The following NPHS2 variants were observed in gnomAD, a reference collection of about 807,000 sequenced individuals.
NPHS2 encodes the protein NPHS2 stomatin family member, podocin.
NPHS2 carries 36 observed loss-of-function variants against 37.1 expected under a neutral mutation model. The observed-to-expected ratio is 0.97, with a 90% CI of 0.74 to 1.28. The LOEUF (loss-of-function observed/expected upper bound fraction) is 1.28, where lower values mean the gene tolerates loss of function less well. NPHS2 is among the 50% of genes most tolerant of loss of function. The pLI is 0.00. For synonymous variants in NPHS2, 196 were observed against 189.3 expected, an observed-to-expected ratio of 1.04 and a Z score of -0.29; for missense variants, 447 against 488.1, an observed-to-expected ratio of 0.92 and a Z score of 0.79.
Position 179,550,729 on chromosome 1 carries a change from G to C in NPHS2, c.*444C>G. The C allele has an allele frequency of 4.6e-6, 1 of 218,558 alleles. No individual in the cohort carries two copies. The highest frequency in any genetic ancestry group is 9.2e-6 in the Non-Finnish European group (1 of 108,334). 13.5% of individuals were successfully genotyped at this position (218,558 alleles called of 1,614,324 possible). The stretch of plus-strand genomic sequence containing the variant: ...ACTAAGACTTGGTAGTATCATTGGA[G>C]AGAAGACTGCATCTTTGGGACAGAA... On this transcript the variant is annotated 3_prime_UTR_variant, in exon 8 of 8. Coordinates refer to ENST00000367615, the MANE Select transcript of NPHS2 (RefSeq NM_014625.4).
intron 1 of NPHS2, among the ~76,000 whole-genome samples, chr1:179,571,540 G>C (rs904688136): frequency 6.6e-6 from 1 of 152,224 alleles, no homozygotes; most frequent in East Asian, 1.9e-4. Flanking sequence ...CCCACTTGAG[G>C]GGGCAGTCTG....
At chr1:179,570,383 TTAAC>T (rs1359098548) in intron 1 of NPHS2, among the ~76,000 whole-genome samples, 2 of 152,202 alleles carry the variant, frequency 1.3e-5, no homozygotes, top group Non-Finnish European at 2.9e-5. Flanking sequence ...AGATATTAAA[TTAAC>T]TAAAAGTATC....
At chr1:179,562,959 A>G (rs555757938) in intron 2 of NPHS2, among the ~76,000 whole-genome samples, 25 of 152,274 alleles carry the variant, frequency 1.6e-4, no homozygotes, top group African/African-American at 5.8e-4. Context: ...AAGTGACCAG[A>G]TCTGAGAGCC....
At chr1:179,565,313 G>C (rs569493990) in intron 1 of NPHS2, among the ~76,000 whole-genome samples, 2 of 152,146 alleles carry the variant, frequency 1.3e-5, no homozygotes, top group Non-Finnish European at 2.9e-5. Context: ...GGGTATACTG[G>C]AACAGGCACA....
At chr1:179,561,908 C>T (rs1157879964) in intron 2 of NPHS2, among the ~76,000 whole-genome samples, 9 of 152,000 alleles carry the variant, frequency 5.9e-5, no homozygotes, top group East Asian at 1.9e-4. Flanking sequence ...CGGGTTCAAG[C>T]GATTCTCCTG....
intron 4 of NPHS2, among the ~76,000 whole-genome samples, chr1:179,558,825 T>G (rs953245600): frequency 6.6e-6 from 1 of 152,208 alleles, no homozygotes; most frequent in Admixed American, 6.5e-5. Flanking sequence ...ATTTGTATTT[T>G]CCTAATGTAG....
At chr1:179,552,877 G>A (rs1356256570) in intron 6 of NPHS2, among the ~76,000 whole-genome samples, 196 bp from the exon 7 acceptor site, 1 of 152,188 alleles carries the variant, frequency 6.6e-6, no homozygotes, top group Non-Finnish European at 1.5e-5. Context: ...ATGCAGTTTT[G>A]TATTATTGCT....
chr1:179,561,747 A>G (rs1386092485), intron 2 of NPHS2, among the ~76,000 whole-genome samples: 1 of 152,044 alleles, frequency 6.6e-6, no homozygotes. Flanking sequence ...TTTTAATACC[A>G]CTTGTGATGT....
rs1003632356 is a variant in NPHS2, at chr1:179,555,237, C to A, written c.739-706G>T. Among the ~76,000 whole-genome samples, 47 of 152,214 alleles carry A rather than the reference C, an allele frequency of 3.1e-4. 1 individual carries two copies. The highest frequency in any genetic ancestry group is 2.3e-3 in the East Asian group (12 of 5,200). ...GTTACAGAAGTAATAGGAACTAATA[C>A]AGATATATTTTAAAAATCTGTTTTA... is the stretch of plus-strand genomic sequence containing the variant. On this transcript the variant is annotated intron_variant, in intron 5 of 7. Coordinates refer to ENST00000367615, the MANE Select transcript of NPHS2 (RefSeq NM_014625.4).
Position 179,575,875 on chromosome 1 carries a change from G to A in NPHS2, c.-11C>T. The A allele has an allele frequency of 1.4e-6, 2 of 1,398,712 alleles. No individual in the cohort carries two copies. The highest frequency in any genetic ancestry group is 9.2e-7 in the Non-Finnish European group (1 of 1,084,690). The allele number at this position is 1,398,712 out of a possible 1,614,324, so 86.6% of individuals were successfully genotyped here. A position where few individuals can be genotyped will look rare whatever the true frequency, so the allele number is the denominator to read the frequency against. Reference sequence around the variant, plus strand: ...CGCCCTCCTCTCCATCCTCAGAGCTGCCGGGCGGCTGGAGCAGCAGCGCGG... The same window carrying A: ...CGCCCTCCTCTCCATCCTCAGAGCTACCGGGCGGCTGGAGCAGCAGCGCGG... On this transcript the variant is annotated 5_prime_UTR_variant, in exon 1 of 8. Transcript: ENST00000367615.
In NPHS2 at chr1:179,554,531, C is replaced by T; in HGVS notation, c.739G>A (p.Val247Ile). ...ERKSIAQDAK[V>I]ALDSVTCIWG... ...ATACAGGTCACTGAATCCAAGGCAACCTGTGGAAAGAAGAATTCAGATGTC... is the reference window on the plus strand; with the variant it reads ...ATACAGGTCACTGAATCCAAGGCAATCTGTGGAAAGAAGAATTCAGATGTC... Residue 247 changes from valine to isoleucine, a missense_variant and splice_region_variant, in exon 6 of 8, where the codon GTT (valine) becomes ATT (isoleucine). Physicochemically the swap from Val to Ile is conservative, Grantham distance 29. Transcript: ENST00000367615. 1 of 1,614,138 alleles carries T rather than the reference C, an allele frequency of 6.2e-7. No homozygotes were observed. The highest frequency in any genetic ancestry group is 8.5e-7 in the Non-Finnish European group (1 of 1,180,010).
intron 7 of NPHS2, 173 bp from the exon 8 acceptor site, chr1:179,551,624 TAAAC>T: frequency 1.5e-6 from 1 of 689,598 alleles, no homozygotes; most frequent in Admixed American, 2.5e-5. Flanking sequence ...GGAGACAGAT[TAAAC>T]TGTTAATCAC....
At chr1:179,560,820 CAG>C (rs981320442) in intron 3 of NPHS2, among the ~76,000 whole-genome samples, 43 of 152,208 alleles carry the variant, frequency 2.8e-4, no homozygotes, top group African/African-American at 9.9e-4. Flanking sequence ...ATGGTTAGCA[CAG>C]AGTCTGAGCC....
chr1:179,569,630 A>C (rs1035606466), intron 1 of NPHS2, among the ~76,000 whole-genome samples: 1 of 152,168 alleles, frequency 6.6e-6, no homozygotes, highest in Non-Finnish European at 1.5e-5. Context: ...TAGTTTCTTC[A>C]TAGCATCAAG....
rs544758616 is a variant in NPHS2, at chr1:179,551,047, G to T, written c.*126C>A. On this transcript the variant is annotated 3_prime_UTR_variant, in exon 8 of 8. Transcript: ENST00000367615. ...CTCATGGATGGTGCATTGTGACTTC[G>T]TGCATTCCATGGCCATTCCATATGG... 7 of 1,141,002 alleles carry T rather than the reference G, an allele frequency of 6.1e-6. No individual in the cohort carries two copies. Among genetic ancestry groups the T allele is most frequent in the South Asian group, 1.3e-5 (1 of 76,958 alleles). 70.7% of individuals were successfully genotyped at this position (1,141,002 alleles called of 1,614,324 possible).
intron 1 of NPHS2, 110 bp downstream of exon 1, chr1:179,575,481 G>C (rs1444372130): frequency 9.6e-6 from 14 of 1,457,260 alleles, no homozygotes; most frequent in Non-Finnish European, 1.1e-5. Flanking sequence ...TGAGCATCCA[G>C]CAATCTGCTC....
chr1:179,561,092 C>G (rs890579271), intron 3 of NPHS2, among the ~76,000 whole-genome samples, 197 bp downstream of exon 3: 2 of 152,346 alleles, frequency 1.3e-5, no homozygotes, highest in Middle Eastern at 3.4e-3. Flanking sequence ...CCAATTCTCT[C>G]TCTTGGCTAC....
Position 179,561,926 on chromosome 1 carries a change from C to T in NPHS2, c.379-565G>A, listed in dbSNP as rs555049617. 1.8e-4 allele frequency among the ~76,000 whole-genome samples: 28 copies of T among 152,254 alleles called. No individual in the cohort carries two copies. The South Asian group carries it at 5.8e-3, about 32-fold the overall frequency. On this transcript the variant is annotated intron_variant, in intron 2 of 7. Coordinates refer to ENST00000367615, the MANE Select transcript of NPHS2 (RefSeq NM_014625.4). ...GTTCAAGCGATTCTCCTGCCTCAGC[C>T]TCCCAAGTAGCTGGTATTACAGGTG... is the stretch of plus-strand genomic sequence containing the variant.
Position 179,551,165 on chromosome 1 carries a change from C to T in NPHS2, c.*8G>A. 1 of 1,613,808 alleles carries T rather than the reference C, an allele frequency of 6.2e-7. No homozygotes were observed. The highest frequency in any genetic ancestry group is 1.1e-5 in the South Asian group (1 of 91,072). ...GCCCCTTTACAGTCACATTATGCCC[C>T]ATCCTTCCTATAACATGGGAGAGTC... On this transcript the variant is annotated 3_prime_UTR_variant, in exon 8 of 8. Coordinates refer to ENST00000367615, the MANE Select transcript of NPHS2 (RefSeq NM_014625.4).
Sources: gnomAD v4.1 joint callset for allele counts (sites outside exome capture counted in the v4.1 genomes callset) on GRCh38, gnomAD v4.1.1 for gene constraint, MANE v1.5 for transcripts, NCBI Gene and HGNC (gene_info 2026-07-23, HGNC 2026-07-21) for gene names.